The following CPSF3 variants were observed in gnomAD, a reference collection of about 807,000 sequenced individuals.
The protein encoded by CPSF3 is cleavage and polyadenylation specificity factor subunit 3.
A neutral mutation model predicts 84.1 loss-of-function variants in CPSF3; 57 were observed. The ratio of observed to expected loss-of-function variants is 0.68; its 90% confidence interval spans 0.55 to 0.85. CPSF3 has a LOEUF of 0.85. CPSF3 is among the 40% of genes least tolerant of loss of function. The probability of loss-of-function intolerance (pLI) is 0.00; values close to 1 mark genes in which losing one functional copy is unlikely to be tolerated. For missense variants in CPSF3, 522 were observed against 838.8 expected (o/e 0.62, Z 4.66); for synonymous variants, 275 against 278.1 (o/e 0.99, Z 0.11).
rs1257272723 is a variant in CPSF3, at chr2:9,423,733, C to T, written c.-41C>T. 2 of 1,606,300 alleles carry T rather than the reference C, an allele frequency of 1.2e-6. No homozygotes were observed. The highest frequency in any genetic ancestry group is 1.7e-6 in the Non-Finnish European group (2 of 1,177,024). On this transcript the variant is annotated 5_prime_UTR_variant, in exon 1 of 18. Transcript: ENST00000238112. ...TGCTTCCAATTTAGGAAGACCCCGG[C>T]GACCTGTTCCTCACCCCCGCTTCGC...
intron 13 of CPSF3, among the ~76,000 whole-genome samples, chr2:9,456,356 C>A (rs1681526379): frequency 6.6e-6 from 1 of 152,184 alleles, no homozygotes; most frequent in Admixed American, 6.5e-5. Context: ...ATACATTTTC[C>A]ATCAGTAACG....
intron 3 of CPSF3, 111 bp from the exon 4 acceptor site, chr2:9,430,641 A>T (rs1680553366): frequency 1.1e-6 from 1 of 939,924 alleles, no homozygotes; most frequent in Non-Finnish European, 1.6e-6. Flanking sequence ...TGAAAGTATC[A>T]GCACATAGTT....
chr2:9,430,531 G>T (rs1680549281), intron 3 of CPSF3, among the ~76,000 whole-genome samples: 1 of 152,110 alleles, frequency 6.6e-6, no homozygotes, highest in Non-Finnish European at 1.5e-5. Context: ...CACTAATAAA[G>T]TTTTTTGCTG....
At chr2:9,434,824 G>T (rs1009082150) in intron 6 of CPSF3, among the ~76,000 whole-genome samples, 1 of 152,144 alleles carries the variant, frequency 6.6e-6, no homozygotes, top group African/African-American at 2.4e-5. Context: ...CAAGCTTTTG[G>T]TGTATATAAG....
At chr2:9,468,997 TG>T (rs1224541534) in intron 16 of CPSF3, among the ~76,000 whole-genome samples, 2 of 152,318 alleles carry the variant, frequency 1.3e-5, no homozygotes, top group East Asian at 3.9e-4. Flanking sequence ...TTATAGAAGT[TG>T]TCATACATCT....
At chr2:9,459,743 A>C in intron 15 of CPSF3, 125 bp downstream of exon 15, 1 of 516,032 alleles carries the variant, frequency 1.9e-6, no homozygotes. Context: ...TCCACTTCCC[A>C]GGTTCAAGCA....
chr2:9,424,128 T>G (rs1680237412), intron 1 of CPSF3: 2 of 1,134,942 alleles, frequency 1.8e-6, no homozygotes, highest in South Asian at 5.3e-5. Flanking sequence ...GCGTTTTCAC[T>G]TAGCACAAGC....
chr2:9,423,959 G>C, intron 1 of CPSF3, 136 bp downstream of exon 1: 1 of 1,460,386 alleles, frequency 6.8e-7, no homozygotes, highest in Non-Finnish European at 9.1e-7. Context: ...TGCGGGCCAG[G>C]CTTCTCAGGC....
chr2:9,466,376 GC>G (rs1681971734), intron 15 of CPSF3, among the ~76,000 whole-genome samples: 1 of 122,562 alleles, frequency 8.2e-6, no homozygotes, highest in African/African-American at 2.8e-5. Flanking sequence ...ACACACCCAC[GC>G]ACTCGCACAC....
intron 15 of CPSF3, among the ~76,000 whole-genome samples, chr2:9,466,344 G>GGCACA (rs138240360): frequency 0.018 from 1,591 of 90,856 alleles, 21 homozygotes; most frequent in African/African-American, 0.048. Flanking sequence ...GCACACACGC[G>GGCACA]CGCGCGCGCA....
intron 12 of CPSF3, among the ~76,000 whole-genome samples, chr2:9,453,659 G>T (rs570536731): frequency 4.9e-4 from 75 of 152,122 alleles, no homozygotes; most frequent in Admixed American, 1.5e-3. Context: ...TTGAGAAGCC[G>T]AGGCAGGTGG....
At chr2:9,436,774 A>AAAAAAAAAAAAAAATAAT (rs139337028) in intron 7 of CPSF3, among the ~76,000 whole-genome samples, 3 of 143,002 alleles carry the variant, frequency 2.1e-5, no homozygotes, top group African/African-American at 7.8e-5. Flanking sequence ...CCATCTCAAA[A>AAAAAAAAAAAAAAATAAT]AATAATAATA....
chr2:9,451,633 G>A (rs888791811), intron 11 of CPSF3, among the ~76,000 whole-genome samples: 1 of 151,614 alleles, frequency 6.6e-6, no homozygotes. Context: ...GCATGGTGGC[G>A]CACATGGTGA....
intron 14 of CPSF3, 80 bp downstream of exon 14, chr2:9,457,107 G>T: frequency 1.3e-6 from 1 of 742,732 alleles, no homozygotes; most frequent in Non-Finnish European, 2.2e-6. Flanking sequence ...GAGAAAATTA[G>T]TTTCTTCCCA....
rs56758438 is a variant in CPSF3 at position 9,466,342 on chromosome 2, G to GGGA, written c.1787-1365_1787-1364insGGA. On this transcript the variant is annotated intron_variant, in intron 15 of 17. Transcript: ENST00000238112. The stretch of plus-strand genomic sequence containing the variant: ...CACGCACACAGACGCACGCACACAC[G>GGGA]CGCGCGCGCGCACACACACACGCAC... 6.7e-5 allele frequency among the ~76,000 whole-genome samples: 6 copies of GGGA among 89,178 alleles called. No individual in the cohort carries two copies. In the South Asian group the frequency reaches 2.7e-3, roughly 40 times the overall value. 58.5% of individuals were successfully genotyped at this position (89,178 alleles called of 152,430 possible). A position where few individuals can be genotyped will look rare whatever the true frequency, so the allele number is the denominator to read the frequency against.
chr2:9,435,044 T>C (rs1008276127), intron 6 of CPSF3, among the ~76,000 whole-genome samples: 2 of 152,240 alleles, frequency 1.3e-5, no homozygotes, highest in Non-Finnish European at 2.9e-5. Flanking sequence ...TCAGAAAAAG[T>C]AGCTATTTTC....
intron 8 of CPSF3, 192 bp from the exon 9 acceptor site, chr2:9,441,626 T>C (rs956540110): frequency 3.4e-6 from 2 of 586,428 alleles, no homozygotes; most frequent in Non-Finnish European, 5.9e-6. Context: ...TTTTATTACT[T>C]GGTTTTTCTA....
chr2:9,459,344 G>A (rs899833752), intron 14 of CPSF3, among the ~76,000 whole-genome samples, 187 bp from the exon 15 acceptor site: 1 of 152,064 alleles, frequency 6.6e-6, no homozygotes, highest in Non-Finnish European at 1.5e-5. Context: ...ATTTACTTTT[G>A]TTTACAGAAA....
At chr2:9,440,432 A>G in intron 7 of CPSF3, 59 bp from the exon 8 acceptor site, 3 of 1,372,346 alleles carry the variant, frequency 2.2e-6, no homozygotes, top group Non-Finnish European at 3.1e-6. Flanking sequence ...ATCATTTGTT[A>G]TTTGAACTGT....
Sources: allele counts gnomAD v4.1 joint callset (sites outside exome capture counted in the v4.1 genomes callset), GRCh38; gene constraint gnomAD v4.1.1; transcripts MANE v1.5; gene names NCBI Gene and HGNC (gene_info 2026-07-23, HGNC 2026-07-21).